GREB1: variants seen among roughly 807,000 people sequenced by gnomAD.
GREB1 encodes protein GREB1.
GREB1 carries 106 observed loss-of-function variants against 200.7 expected under a neutral mutation model. That is an observed-to-expected ratio of 0.53 (90% CI 0.45 to 0.62). GREB1 has a LOEUF of 0.62. Ranked by LOEUF, GREB1 falls within the 20% of genes least tolerant of loss-of-function variation. The pLI, the probability that GREB1 is intolerant of heterozygous loss-of-function variation, is 0.00. For missense variants in GREB1, 2,243 were observed against 2,556.8 expected, an observed-to-expected ratio of 0.88 and a Z score of 2.65; for synonymous variants, 1,132 against 1,092.4, an observed-to-expected ratio of 1.04 and a Z score of -0.72.
intron 22 of GREB1, among the ~76,000 whole-genome samples, chr2:11,619,319 T>C (rs539926035): frequency 3.9e-5 from 6 of 152,300 alleles, no homozygotes; most frequent in African/African-American, 1.4e-4. Flanking sequence ...TCAGCCTTCC[T>C]GCAATGCATG....
chr2:11,616,039 G>T lies in GREB1; in HGVS notation c.3323-592G>T, dbSNP rs578192188. Among the ~76,000 whole-genome samples, 4 of 152,364 alleles carry T rather than the reference G, an allele frequency of 2.6e-5. No homozygotes were observed. In the East Asian group the frequency reaches 5.8e-4, roughly 22 times the overall value. The stretch of plus-strand genomic sequence containing the variant: ...AGCCATCTTTTCGAAGCACGGCAGA[G>T]ACTCTGATTTAATTCTTTCATTTGT... On this transcript the variant is annotated intron_variant, in intron 20 of 32. Coordinates refer to ENST00000381486, the MANE Select transcript of GREB1 (RefSeq NM_014668.4).
chr2:11,600,500 T>C (rs1471965956), intron 15 of GREB1, among the ~76,000 whole-genome samples: 1 of 152,160 alleles, frequency 6.6e-6, no homozygotes, highest in African/African-American at 2.4e-5. Flanking sequence ...TCATGGAACA[T>C]CCCCAGGGTC....
chr2:11,577,232 C>A (rs1425184273), intron 5 of GREB1, among the ~76,000 whole-genome samples: 8 of 152,162 alleles, frequency 5.3e-5, no homozygotes, highest in African/African-American at 1.9e-4. Context: ...GTTTGATTGT[C>A]ATGACTGGAT....
intron 4 of GREB1, among the ~76,000 whole-genome samples, chr2:11,574,835 C>T (rs2148023101): frequency 1.3e-5 from 2 of 152,300 alleles, no homozygotes; most frequent in African/African-American, 4.8e-5. Flanking sequence ...GGAAAGCGAG[C>T]ACATGGAGAG....
intron 1 of GREB1, among the ~76,000 whole-genome samples, chr2:11,522,746 A>G (rs1673743987): frequency 6.6e-6 from 1 of 152,324 alleles, no homozygotes; most frequent in Admixed American, 6.5e-5. Flanking sequence ...GCTGGGGAGC[A>G]TCTTAGCTGT....
At chr2:11,556,847 C>T (rs1676480739) in intron 2 of GREB1, 76 bp downstream of exon 2, 1 of 1,119,062 alleles carries the variant, frequency 8.9e-7, no homozygotes, top group Admixed American at 2.9e-5. Context: ...GAACTTGAAA[C>T]TCTTTTCTTT....
chr2:11,622,976 A>G (rs958482850), intron 23 of GREB1, among the ~76,000 whole-genome samples: 1 of 152,246 alleles, frequency 6.6e-6, no homozygotes, highest in Non-Finnish European at 1.5e-5. Flanking sequence ...AATATGTGTC[A>G]AGAGCCTTGC....
intron 1 of GREB1, among the ~76,000 whole-genome samples, chr2:11,495,301 A>G (rs1176609901): frequency 2.6e-5 from 4 of 152,218 alleles, no homozygotes; most frequent in African/African-American, 9.6e-5. Context: ...ACTAGGATAC[A>G]CATTCTACAG....
intron 1 of GREB1, among the ~76,000 whole-genome samples, chr2:11,527,126 C>A (rs1368044909): frequency 6.6e-6 from 1 of 152,114 alleles, no homozygotes; most frequent in Non-Finnish European, 1.5e-5. Flanking sequence ...GACAGCAGAG[C>A]CATGTAGTGT....
chr2:11,638,772 G>A lies in GREB1; in HGVS notation c.5649G>A (p.Val1883=). 6.2e-7 allele frequency: 1 copy of A among 1,614,090 alleles called. No homozygotes were observed. Among genetic ancestry groups the A allele is most frequent in the Non-Finnish European group, 8.5e-7 (1 of 1,180,002 alleles). The part of the protein sequence containing the change: ...GLLLYLCDSF[V]GASFLKKFHF... Reference sequence around the variant, plus strand: ...TGCTGTACCTCTGTGACTCTTTTGTGGGAGCTAGCTTTTTGAAAAAGTTTC... The same window carrying A: ...TGCTGTACCTCTGTGACTCTTTTGTAGGAGCTAGCTTTTTGAAAAAGTTTC... Residue 1883 remains valine (V), a synonymous_variant, in exon 32 of 33, where the codon GTG becomes GTA. Transcript: ENST00000381486.
chr2:11,609,247 TTTA>T lies in GREB1; in HGVS notation c.2667-1438_2667-1436del, dbSNP rs1682696148. Among the ~76,000 whole-genome samples, 9 of 136,686 alleles carry T rather than the reference TTTA, an allele frequency of 6.6e-5. No homozygotes were observed. The South Asian group carries it at 6.6e-4, about 10-fold the overall frequency. The allele number at this position is 136,686 out of a possible 152,430, so 89.7% of individuals were successfully genotyped here. ...TTTCTTCCTGGGCATTATTATTTTA[TTTA>T]TTTATTTATTTATTTATTTATTTAT... On this transcript the variant is annotated intron_variant, in intron 17 of 32. Transcript: ENST00000381486.
chr2:11,641,659 G>C lies in GREB1; in HGVS notation c.*1205G>C, dbSNP rs1685822935. On this transcript the variant is annotated 3_prime_UTR_variant, in exon 33 of 33. Transcript: ENST00000381486. Reference sequence around the variant, plus strand: ...CACCACCACGCCCGGCTAATTTTTTGTATTTTTTAGTAGAGACGGGGTTTC... The same window carrying C: ...CACCACCACGCCCGGCTAATTTTTTCTATTTTTTAGTAGAGACGGGGTTTC... 6.6e-6 allele frequency: 1 copy of C among 151,924 alleles called. No homozygotes were observed. Among genetic ancestry groups the C allele is most frequent in the South Asian group, 2.1e-4 (1 of 4,810 alleles). The allele number at this position is 151,924 out of a possible 1,614,324, so 9.4% of individuals were successfully genotyped here.
At chr2:11,515,440 T>G (rs1673465527) in intron 1 of GREB1, among the ~76,000 whole-genome samples, 1 of 152,234 alleles carries the variant, frequency 6.6e-6, no homozygotes, top group Non-Finnish European at 1.5e-5. Flanking sequence ...TTGTGTTTTT[T>G]AAAAGTCTTG....
In GREB1 at chr2:11,634,257, C is replaced by T. The variant is rs2304403; in HGVS notation, c.5118C>T (p.Ser1706=). The T allele has an allele frequency of 6.4e-4, 1,039 of 1,614,198 alleles. 10 individuals carry two copies. In the East Asian group the frequency reaches 0.018, roughly 28 times the overall value. The part of the protein sequence containing the change: ...LRKWSSKTRA[S]EVQEPFSRCH... ...AGTGGTCCAGCAAGACCCGGGCCAG[C>T]GAGGTGCAAGAGCCCTTCTCCCGCT... Residue 1706 remains serine (S), a synonymous_variant, in exon 29 of 33, where the codon AGC becomes AGT. Coordinates refer to ENST00000381486, the MANE Select transcript of GREB1 (RefSeq NM_014668.4).
At chr2:11,500,302 C>T (rs1011425427) in intron 1 of GREB1, among the ~76,000 whole-genome samples, 2 of 152,246 alleles carry the variant, frequency 1.3e-5, no homozygotes, top group African/African-American at 4.8e-5. Context: ...GCTGGGATTA[C>T]AGGCGTGTGC....
At chr2:11,537,686 A>T (rs955175415) in intron 1 of GREB1, among the ~76,000 whole-genome samples, 5 of 147,554 alleles carry the variant, frequency 3.4e-5, no homozygotes, top group Non-Finnish European at 6.0e-5. Context: ...TATATTATAT[A>T]TTACATAAAT....
At chr2:11,620,205 G>C (rs1683888008) in intron 22 of GREB1, among the ~76,000 whole-genome samples, 3 of 152,134 alleles carry the variant, frequency 2.0e-5, no homozygotes, top group Admixed American at 2.0e-4. Context: ...TGGATCTCTT[G>C]ACCTCGTGAT....
chr2:11,530,422 A>T (rs910557113), upstream of GREB1, among the ~76,000 whole-genome samples: 3 of 151,950 alleles, frequency 2.0e-5, no homozygotes, highest in Non-Finnish European at 4.4e-5. Flanking sequence ...AAAAAAAAGT[A>T]AAATCTATGT....
At chr2:11,564,987 C>T (rs554002337) in intron 3 of GREB1, among the ~76,000 whole-genome samples, 2 of 152,234 alleles carry the variant, frequency 1.3e-5, no homozygotes, top group Admixed American at 1.3e-4. Flanking sequence ...ACAAGAATAG[C>T]GTGGGAAAGA....
Sources: allele counts gnomAD v4.1 joint callset (sites outside exome capture counted in the v4.1 genomes callset), GRCh38; gene constraint gnomAD v4.1.1; transcripts MANE v1.5; gene names NCBI Gene and HGNC (gene_info 2026-07-23, HGNC 2026-07-21).